Variants in AJUBA observed in about 807,000 individuals in gnomAD.
AJUBA encodes the protein ajuba LIM protein.
In AJUBA, 20 loss-of-function variants were observed where a neutral mutation model predicts 53.3. The ratio of observed to expected loss-of-function variants is 0.38; its 90% confidence interval spans 0.26 to 0.55. The LOEUF is 0.55. AJUBA is among the 20% of genes least tolerant of loss of function. The pLI is 0.80. For missense variants in AJUBA, 580 were observed against 730.5 expected, an observed-to-expected ratio of 0.79 and a Z score of 2.38; for synonymous variants, 296 against 306.2, an observed-to-expected ratio of 0.97 and a Z score of 0.35.
In AJUBA at chr14:22,976,640, C is replaced by CTCACCAGAGG; in HGVS notation, c.1176+4_1176+5insCCTCTGGTGA. 1 of 1,613,816 alleles carries CTCACCAGAGG rather than the reference C, an allele frequency of 6.2e-7. No individual in the cohort carries two copies. Among genetic ancestry groups the CTCACCAGAGG allele is most frequent in the Non-Finnish European group, 8.5e-7 (1 of 1,179,814 alleles). ...CAATTCCAGGTCCAGGTGACCCTTA[C>CTCACCAGAGG]TCACCAGATAATCTTCCTCACAGTA... On this transcript the variant is annotated splice_donor_region_variant and intron_variant, in intron 3 of 7. Transcript: ENST00000262713.
At position 22,981,377 on chromosome 14, in the gene AJUBA, G is replaced by C; in HGVS notation, c.890C>G (p.Ala297Gly). 1.9e-6 allele frequency: 3 copies of C among 1,613,052 alleles called. No individual in the cohort carries two copies. The highest frequency in any genetic ancestry group is 2.5e-6 in the Non-Finnish European group (3 of 1,179,906). ...CTCAATCCCCGAGGGTTCTCCGCGG[G>C]CTCCGGCTTCTCGCCCACCGGTGCC... is the stretch of plus-strand genomic sequence containing the variant. The part of the protein sequence containing the change: ...TVGTGGREAG[A>G]RGEPSGIEPS... Residue 297 changes from alanine to glycine, a missense_variant, in exon 1 of 8, where the codon GCC (alanine) becomes GGC (glycine). Ala to Gly is a moderately conservative substitution (Grantham distance 60). This residue lies in a region of AJUBA where 430 missense variants were observed against 471.5 expected (regional missense o/e 0.91). Coordinates refer to ENST00000262713, the MANE Select transcript of AJUBA (RefSeq NM_032876.6).
Position 22,981,998 on chromosome 14 carries a change from G to A in AJUBA, c.269C>T (p.Pro90Leu), listed in dbSNP as rs1288783923. The change falls in exon 1 of 8, where the codon CCC becomes CTC. Residue 90 changes from proline to leucine, a missense_variant. Physicochemically the swap from Pro to Leu is moderately conservative, Grantham distance 98 (BLOSUM62 -3). Around this residue, in one of 2 missense-constraint regions of AJUBA, gnomAD observed 430 missense variants for 471.5 expected, o/e 0.91. Coordinates refer to ENST00000262713, the MANE Select transcript of AJUBA (RefSeq NM_032876.6). ...FEAPRYEGSFPAGPPPTRALP... is the reference protein window; with the variant it reads ...FEAPRYEGSFLAGPPPTRALP... ...GGCCCGGGTGGGCGGCGGCCCCGCG[G>A]GAAAAGAGCCTTCGTAGCGCGGCGC... 4 of 1,583,546 alleles carry A rather than the reference G, an allele frequency of 2.5e-6. No individual in the cohort carries two copies. The highest frequency in any genetic ancestry group is 2.3e-5 in the South Asian group (2 of 87,540).
intron 4 of AJUBA, among the ~76,000 whole-genome samples, chr14:22,975,492 T>G (rs761048775): frequency 4.6e-5 from 7 of 152,228 alleles, no homozygotes; most frequent in Non-Finnish European, 1.0e-4. Context: ...ATCACTGATT[T>G]AATCCTATCT....
rs2045109044 is a variant in AJUBA, at chr14:22,982,197, G to T, written c.70C>A (p.Arg24=). Residue 24 remains arginine (R), a synonymous_variant, in exon 1 of 8, where the codon CGG becomes AGG. Transcript: ENST00000262713. ...KFGRRKGESS[R]SGSDGTPGPG... ...CCGGGGGTCCCGTCAGACCCAGACCGGCTAGATTCACCCTTTCTGCGGCCG... is the reference window on the plus strand; with the variant it reads ...CCGGGGGTCCCGTCAGACCCAGACCTGCTAGATTCACCCTTTCTGCGGCCG... 1 of 1,613,930 alleles carries T rather than the reference G, an allele frequency of 6.2e-7. No homozygotes were observed. The highest frequency in any genetic ancestry group is 8.5e-7 in the Non-Finnish European group (1 of 1,179,916).
chr14:22,982,348 C>A lies in AJUBA; in HGVS notation c.-82G>T. The A allele has an allele frequency of 6.4e-7, 1 of 1,568,804 alleles. No individual in the cohort carries two copies. Among genetic ancestry groups the A allele is most frequent in the Non-Finnish European group, 8.6e-7 (1 of 1,164,600 alleles). On this transcript the variant is annotated 5_prime_UTR_variant, in exon 1 of 8. Coordinates refer to ENST00000262713, the MANE Select transcript of AJUBA (RefSeq NM_032876.6). ...GCGGCCGGTTCTCTTTCCCTGCAGC[C>A]GGACTCTGGTTCCCCAGGGGCACAG...
Position 22,973,420 on chromosome 14 carries a change from A to ACAG in AJUBA, c.*20_*22dup. The stretch of plus-strand genomic sequence containing the variant: ...GCCACAGCAGTTTGTCTGCAGGGTG[A>ACAG]CAGCAGCAGCAGTGATTGCAGCTCA... On this transcript the variant is annotated 3_prime_UTR_variant, in exon 8 of 8. Coordinates refer to ENST00000262713, the MANE Select transcript of AJUBA (RefSeq NM_032876.6). The ACAG allele has an allele frequency of 6.3e-7, 1 of 1,594,270 alleles. No homozygotes were observed. Among genetic ancestry groups the ACAG allele is most frequent in the South Asian group, 1.1e-5 (1 of 88,260 alleles).
intron 4 of AJUBA, among the ~76,000 whole-genome samples, chr14:22,976,112 G>A (rs1375271354): frequency 5.0e-5 from 7 of 138,780 alleles, no homozygotes; most frequent in East Asian, 2.1e-4. Flanking sequence ...GCAGTGAGCC[G>A]AGATCATTCC....
In AJUBA at chr14:22,976,808, C is replaced by T. The variant is rs562314468; in HGVS notation, c.1109-96G>A. 112 of 1,521,618 alleles carry T rather than the reference C, an allele frequency of 7.4e-5. 3 individuals are homozygous for T. The South Asian group carries it at 1.4e-3, about 19-fold the overall frequency. 94.3% of individuals were successfully genotyped at this position (1,521,618 alleles called of 1,614,324 possible). ...CCCGCTGCTGCATAATATATTTAAA[C>T]CTGGACTTTGTGCTTTTCCTCCTAA... On this transcript the variant is annotated intron_variant, in intron 2 of 7. Transcript: ENST00000262713.
In AJUBA at chr14:22,981,314, G is replaced by A. The variant is rs777882414; in HGVS notation, c.953C>T (p.Pro318Leu). ...CCGCATCCGGGCCCGGGCGGCCTCC[G>A]GAACGAAAGGACCTGGTGGCTCCTC... Reference protein sequence around the residue: ...GLEEPPGPFVPEAARARMREP... With the variant: ...GLEEPPGPFVLEAARARMREP... The change falls in exon 1 of 8, where the codon CCG (proline) becomes CTG (leucine). Residue 318 changes from proline (P) to leucine (L), a missense_variant. By Grantham distance (98) the Pro-to-Leu change is moderately conservative. Coordinates refer to ENST00000262713, the MANE Select transcript of AJUBA (RefSeq NM_032876.6). 2 of 1,611,726 alleles carry A rather than the reference G, an allele frequency of 1.2e-6. No homozygotes were observed. Among genetic ancestry groups the A allele is most frequent in the Non-Finnish European group, 1.7e-6 (2 of 1,178,556 alleles).
rs1018996023 is a variant in AJUBA, at chr14:22,981,852, G to A, written c.415C>T (p.Arg139Trp). 11 of 1,533,742 alleles carry A rather than the reference G, an allele frequency of 7.2e-6. No individual in the cohort carries two copies. The highest frequency in any genetic ancestry group is 9.6e-6 in the Non-Finnish European group (11 of 1,145,806). Residue 139 changes from arginine to tryptophan, a missense_variant, in exon 1 of 8, where the codon CGG becomes TGG. Transcript: ENST00000262713. ...ASDASKPSSP[R>W]GSLLLDGAGA... is the part of the protein sequence containing the mutation. ...GCCCCGTCCAGCAGCAGGCTGCCCC[G>A]GGGGCTGGACGGCTTGCTCGCGTCG... is the stretch of plus-strand genomic sequence containing the variant.
intron 1 of AJUBA, 106 bp downstream of exon 1, chr14:22,981,155 T>A: frequency 7.2e-7 from 1 of 1,384,554 alleles, no homozygotes; most frequent in African/African-American, 1.5e-5. Flanking sequence ...TAGTCCCGCG[T>A]CTTCACCTCG....
rs2045024017 is a variant in AJUBA at position 22,975,227 on chromosome 14, T to C, written c.1240-123A>G. On this transcript the variant is annotated intron_variant, in intron 4 of 7. Coordinates refer to ENST00000262713, the MANE Select transcript of AJUBA (RefSeq NM_032876.6). ...CGCTGCTATACTCCCAGAACAATGCTATGTAATGTCGGTGAAGAAGTCGTA... is the reference window on the plus strand; with the variant it reads ...CGCTGCTATACTCCCAGAACAATGCCATGTAATGTCGGTGAAGAAGTCGTA... 2.2e-6 allele frequency: 3 copies of C among 1,343,362 alleles called. No individual in the cohort carries two copies. In the East Asian group the frequency reaches 7.1e-5, roughly 32 times the overall value. The allele number at this position is 1,343,362 out of a possible 1,614,324, so 83.2% of individuals were successfully genotyped here.
chr14:22,971,532 C>T lies in AJUBA; in HGVS notation c.*1911G>A, dbSNP rs1311103767. 1 of 152,130 alleles carries T rather than the reference C, an allele frequency of 6.6e-6. No individual in the cohort carries two copies. Among genetic ancestry groups the T allele is most frequent in the Non-Finnish European group, 1.5e-5 (1 of 68,020 alleles). The allele number at this position is 152,130 out of a possible 1,614,324, so 9.4% of individuals were successfully genotyped here. On this transcript the variant is annotated 3_prime_UTR_variant, in exon 8 of 8. Transcript: ENST00000262713. ...TGCCTAAAACCAATTCACCTAAAAC[C>T]AATTAGTCTAAAATAAATATTTATC... is the stretch of plus-strand genomic sequence containing the variant.
Position 22,974,129 on chromosome 14 carries a change from AC to A in AJUBA, c.1423-15del. ...GTCCTCACAGCCCTGAAACATGCAG[AC>A]CCCCATGGAGATGAGAGCAGCATGT... On this transcript the variant is annotated splice_polypyrimidine_tract_variant and intron_variant, in intron 6 of 7. Coordinates refer to ENST00000262713, the MANE Select transcript of AJUBA (RefSeq NM_032876.6). The A allele has an allele frequency of 6.2e-7, 1 of 1,613,156 alleles. No homozygotes were observed. The highest frequency in any genetic ancestry group is 8.5e-7 in the Non-Finnish European group (1 of 1,179,800).
In AJUBA at chr14:22,971,819, G is replaced by A. The variant is rs2044985749; in HGVS notation, c.*1624C>T. 1 of 152,212 alleles carries A rather than the reference G, an allele frequency of 6.6e-6. No individual in the cohort carries two copies. The highest frequency in any genetic ancestry group is 2.4e-5 in the African/African-American group (1 of 41,450). The allele number at this position is 152,212 out of a possible 1,614,324, so 9.4% of individuals were successfully genotyped here. ...CAAAAAAATGATACACAAAATGTCT[G>A]TACCAATTGTATTTATTGCTAGAAA... On this transcript the variant is annotated 3_prime_UTR_variant, in exon 8 of 8. Coordinates refer to ENST00000262713, the MANE Select transcript of AJUBA (RefSeq NM_032876.6).
At chr14:22,976,873 G>A (rs1445110942) in intron 2 of AJUBA, 161 bp from the exon 3 acceptor site, 1 of 1,428,512 alleles carries the variant, frequency 7.0e-7, no homozygotes, top group Non-Finnish European at 9.2e-7. Context: ...TCCATCTGAT[G>A]CAATTCCAAT....
In AJUBA at chr14:22,979,605, C is replaced by G. The variant is rs979060300; in HGVS notation, c.1007-1160G>C. Among the ~76,000 whole-genome samples the G allele has an allele frequency of 2.0e-5, 3 of 152,218 alleles. No homozygotes were observed. The highest frequency in any genetic ancestry group is 7.2e-5 in the African/African-American group (3 of 41,448). On this transcript the variant is annotated intron_variant, in intron 1 of 7. Coordinates refer to ENST00000262713, the MANE Select transcript of AJUBA (RefSeq NM_032876.6). This position sits in a 1 kb window ranked among gnomAD's most constrained non-coding sequence, Gnocchi z 4.0. ...CTGACTCCCAAGGAGAAGGGGCCCCCATCTCTGAATTCAAAATGTGGCTTC... is the reference window on the plus strand; with the variant it reads ...CTGACTCCCAAGGAGAAGGGGCCCCGATCTCTGAATTCAAAATGTGGCTTC...
rs962283746 is a variant in AJUBA at position 22,982,309 on chromosome 14, C to A, written c.-43G>T. On this transcript the variant is annotated 5_prime_UTR_variant, in exon 1 of 8. Coordinates refer to ENST00000262713, the MANE Select transcript of AJUBA (RefSeq NM_032876.6). ...CTCTCGCCCCCTCCCCGCCTGGCAC[C>A]CTGCGGCGTCTCGGCGGCCGGTTCT... 6.3e-7 allele frequency: 1 copy of A among 1,598,998 alleles called. No individual in the cohort carries two copies. Among genetic ancestry groups the A allele is most frequent in the Non-Finnish European group, 8.5e-7 (1 of 1,175,216 alleles).
intron 1 of AJUBA, chr14:22,978,837 G>A (rs774355340): frequency 5.4e-5 from 67 of 1,247,418 alleles, no homozygotes; most frequent in Non-Finnish European, 6.6e-5. Context: ...GTCCACAGGT[G>A]CTCAGCAGCA....
Sources: gnomAD v4.1 joint callset for allele counts (sites outside exome capture counted in the v4.1 genomes callset) on GRCh38, gnomAD v4.1.1 for gene constraint, gnomAD v4.1.1 regional missense constraint, Gnocchi (gnomAD v3.1) non-coding constraint, MANE v1.5 for transcripts, NCBI Gene and HGNC (gene_info 2026-07-23, HGNC 2026-07-21) for gene names.